Variants in SNX20 observed in about 807,000 individuals in gnomAD.
SNX20 encodes sorting nexin-20.
SNX20 carries 21 observed loss-of-function variants against 24.5 expected under a neutral mutation model. The ratio of observed to expected loss-of-function variants is 0.86; its 90% CI spans 0.61 to 1.23. The LOEUF is 1.23. SNX20 is among the 50% of genes most tolerant of loss of function. The probability of loss-of-function intolerance (pLI) is 0.00; values close to 1 mark genes in which losing one functional copy is unlikely to be tolerated. For missense variants in SNX20, 433 were observed against 430.8 expected (o/e 1.00, Z -0.04); for synonymous variants, 206 against 192.8 (o/e 1.07, Z -0.57).
chr16:50,673,756 A>G lies in SNX20; in HGVS notation c.601T>C (p.Tyr201His). 3.3e-6 allele frequency: 5 copies of G among 1,521,188 alleles called. No homozygotes were observed. Among genetic ancestry groups the G allele is most frequent in the South Asian group, 1.2e-5 (1 of 81,250 alleles). 94.2% of individuals were successfully genotyped at this position (1,521,188 alleles called of 1,614,324 possible). The change falls in exon 4 of 4, where the codon TAC becomes CAC. Residue 201 changes from tyrosine (Y) to histidine (H), a missense_variant. By Grantham distance (83) the Tyr-to-His change is moderately conservative. Coordinates refer to ENST00000330943, the MANE Select transcript of SNX20 (RefSeq NM_182854.4). The surrounding 1 kb of genome is among the most constrained non-coding windows in gnomAD (Gnocchi z 4.1). ...EAFGCLRAGQYPRALELLLRV... is the reference protein window; with the variant it reads ...EAFGCLRAGQHPRALELLLRV... ...AGCAGCAGCTCCAGGGCGCGCGGGT[A>G]CTGGCCGGCCCGCAGGCAGCCGAAA...
chr16:50,680,124 C>T (rs1295252938), intron 1 of SNX20, among the ~76,000 whole-genome samples: 1 of 152,182 alleles, frequency 6.6e-6, no homozygotes, highest in Non-Finnish European at 1.5e-5. Context: ...GGGAGTCACC[C>T]ATTTAAAGAG....
intron 3 of SNX20, 98 bp from the exon 4 acceptor site, chr16:50,674,172 T>A (rs1409555067): frequency 6.9e-7 from 1 of 1,440,008 alleles, no homozygotes; most frequent in East Asian, 2.6e-5. Flanking sequence ...GTGTAAAGCA[T>A]GCCCTGAAAA....
chr16:50,668,898 TCC>T, downstream of SNX20: 1 of 1,454,564 alleles, frequency 6.9e-7, no homozygotes, highest in Non-Finnish European at 9.1e-7. Flanking sequence ...GAACTGTGCC[TCC>T]CAGCCTGAAG....
At chr16:50,668,413 C>T (rs1962965162), downstream of SNX20, 8 of 847,644 alleles carry the variant, frequency 9.4e-6, no homozygotes, top group South Asian at 2.8e-5. Flanking sequence ...CAGGTAAAAG[C>T]GGGTTAGGGT....
rs555788977 is a variant in SNX20 at position 50,680,219 on chromosome 16, T to C, written c.-10+971A>G. ...CCCTCTCCAGGCCTCAGTTTCCTCA[T>C]CTGTGAAATGGGAAAGCAATCCTGT... On this transcript the variant is annotated intron_variant, in intron 1 of 3. Coordinates refer to ENST00000330943, the MANE Select transcript of SNX20 (RefSeq NM_182854.4). 2.0e-4 allele frequency among the ~76,000 whole-genome samples: 31 copies of C among 152,274 alleles called. No individual in the cohort carries two copies. The South Asian group carries it at 4.4e-3, about 21-fold the overall frequency.
At position 50,671,880 on chromosome 16, in the gene SNX20, G is replaced by A. The variant is rs958125806; in HGVS notation, c.*1526C>T. On this transcript the variant is annotated 3_prime_UTR_variant, in exon 4 of 4. Transcript: ENST00000330943. The stretch of plus-strand genomic sequence containing the variant: ...GTTGAACAGATTCTGGTGCAGTCTA[G>A]TGCATAGCTGTCCACTTCTAGAGTG... 2 of 152,222 alleles carry A rather than the reference G, an allele frequency of 1.3e-5. No homozygotes were observed. Among genetic ancestry groups the A allele is most frequent in the Non-Finnish European group, 2.9e-5 (2 of 68,062 alleles). The allele number at this position is 152,222 out of a possible 1,614,324, so 9.4% of individuals were successfully genotyped here. A position where few individuals can be genotyped will look rare whatever the true frequency, so the allele number is the denominator to read the frequency against.
At chr16:50,680,313 C>A (rs997360992) in intron 1 of SNX20, among the ~76,000 whole-genome samples, 12 of 152,186 alleles carry the variant, frequency 7.9e-5, no homozygotes, top group Admixed American at 2.6e-4. Context: ...TCTCCTCACC[C>A]TCTGTAGCAA....
At chr16:50,677,626 C>T in intron 1 of SNX20, 91 bp from the exon 2 acceptor site, 2 of 1,292,898 alleles carry the variant, frequency 1.5e-6, no homozygotes, top group Non-Finnish European at 2.0e-6. Flanking sequence ...CATGCCCCCT[C>T]CTGGCAGGCA....
At chr16:50,669,803 A>G (rs1025454658), downstream of SNX20, 1 of 152,206 alleles carries the variant, frequency 6.6e-6, no homozygotes. Flanking sequence ...TCCTCAACTG[A>G]AAAATGGGAT....
chr16:50,668,583 T>C, downstream of SNX20: 3 of 1,014,658 alleles, frequency 3.0e-6, no homozygotes, highest in Non-Finnish European at 3.5e-6. Flanking sequence ...CAGCTGGTGA[T>C]TGATAGAACA....
exon 4 of SNX20, chr16:50,666,357 A>T (rs1279750361): frequency 6.6e-6 from 1 of 152,364 alleles, no homozygotes; most frequent in African/African-American, 2.4e-5. Flanking sequence ...CAACTAAAAA[A>T]ATAAAATATG....
At chr16:50,675,747 A>C in intron 3 of SNX20, 23 bp downstream of exon 3, 1 of 1,610,836 alleles carries the variant, frequency 6.2e-7, no homozygotes, top group Non-Finnish European at 8.5e-7. Context: ...AAGAGGCTCC[A>C]CCATTTCCCA....
In SNX20 at chr16:50,674,019, A is replaced by G. The variant is rs1963124537; in HGVS notation, c.338T>C (p.Leu113Pro). The G allele has an allele frequency of 4.3e-6, 7 of 1,611,298 alleles. No individual in the cohort carries two copies. The highest frequency in any genetic ancestry group is 5.9e-6 in the Non-Finnish European group (7 of 1,178,900). The change falls in exon 4 of 4, where the codon CTG becomes CCG. Residue 113 changes from leucine (L) to proline (P), a missense_variant. Physicochemically the swap from Leu to Pro is moderately conservative, Grantham distance 98. Coordinates refer to ENST00000330943, the MANE Select transcript of SNX20 (RefSeq NM_182854.4). ...TGSFDNNKAV[L>P]ERRYSDFAKL... ...CGCGAAGTCGGAATAGCGCCGTTCC[A>G]GGACGGCCTTGTTGTTGTCAAAGCT...
intron 1 of SNX20, among the ~76,000 whole-genome samples, chr16:50,679,876 TG>T (rs1301199221): frequency 6.6e-6 from 1 of 152,158 alleles, no homozygotes; most frequent in African/African-American, 2.4e-5. Flanking sequence ...TGATGGCGAG[TG>T]GCCTTGGCCT....
rs534015164 is a variant in SNX20, at chr16:50,678,193, C to A, written c.-9-658G>T. On this transcript the variant is annotated intron_variant, in intron 1 of 3. Coordinates refer to ENST00000330943, the MANE Select transcript of SNX20 (RefSeq NM_182854.4). ...CTCCAGTCTGGGTGACAGAACAAGA[C>A]CATCTCAAAAAGAAAAAAAGAAAGG... Among the ~76,000 whole-genome samples the A allele has an allele frequency of 7.2e-5, 11 of 152,182 alleles. No individual in the cohort carries two copies. In the South Asian group the frequency reaches 2.3e-3, roughly 32 times the overall value.
At position 50,673,673 on chromosome 16, in the gene SNX20, C is replaced by T. The variant is rs576966789; in HGVS notation, c.684G>A (p.Pro228=). The change falls in exon 4 of 4, where the codon CCG becomes CCA. Residue 228 remains proline (P), a synonymous_variant. Coordinates refer to ENST00000330943, the MANE Select transcript of SNX20 (RefSeq NM_182854.4). This position sits in a 1 kb window ranked among gnomAD's most constrained non-coding sequence, Gnocchi z 4.1. ...LTAHCPAAAV[P]ALCAVLLCHR... ...GGCACAGCAGCACGGCGCACAGGGC[C>T]GGGACGGCGGCCGCAGGGCAGTGGG... The T allele has an allele frequency of 1.1e-4, 166 of 1,495,974 alleles. No individual in the cohort carries two copies. The East Asian group carries it at 4.3e-3, about 38-fold the overall frequency. The allele number at this position is 1,495,974 out of a possible 1,614,324, so 92.7% of individuals were successfully genotyped here. A position where few individuals can be genotyped will look rare whatever the true frequency, so the allele number is the denominator to read the frequency against.
At chr16:50,668,358 C>G (rs1962963826), downstream of SNX20, 2 of 1,135,652 alleles carry the variant, frequency 1.8e-6, no homozygotes, top group African/African-American at 1.6e-5. Context: ...GTCTCTCTCT[C>G]TTTTAACAAA....
rs1409369339 is a variant in SNX20 at position 50,671,847 on chromosome 16, G to A, written c.*1559C>T. 1 of 152,204 alleles carries A rather than the reference G, an allele frequency of 6.6e-6. No individual in the cohort carries two copies. The highest frequency in any genetic ancestry group is 2.4e-5 in the African/African-American group (1 of 41,448). The allele number at this position is 152,204 out of a possible 1,614,324, so 9.4% of individuals were successfully genotyped here. On this transcript the variant is annotated 3_prime_UTR_variant, in exon 4 of 4. Coordinates refer to ENST00000330943, the MANE Select transcript of SNX20 (RefSeq NM_182854.4). ...GGGCGTCTACAGTTTTTACCACAAG[G>A]TGTCGCTGTTGAACAGATTCTGGTG...
intron 2 of SNX20, among the ~76,000 whole-genome samples, chr16:50,676,268 G>C (rs1963180906): frequency 6.6e-6 from 1 of 151,980 alleles, no homozygotes; most frequent in African/African-American, 2.4e-5. Flanking sequence ...ACGGTGGCTT[G>C]TGTGTTTCTG....
Sources: gnomAD v4.1 joint callset for allele counts (sites outside exome capture counted in the v4.1 genomes callset) on GRCh38, gnomAD v4.1.1 for gene constraint, Gnocchi (gnomAD v3.1) non-coding constraint, MANE v1.5 for transcripts, NCBI Gene and HGNC (gene_info 2026-07-23, HGNC 2026-07-21) for gene names.